Variants in LUC7L2 observed in about 807,000 individuals in gnomAD.
LUC7L2 encodes LUC7 like 2, pre-mRNA splicing factor.
LUC7L2 carries 25 observed loss-of-function variants against 52.8 expected under a neutral mutation model. The ratio of observed to expected loss-of-function variants is 0.47; its 90% CI spans 0.34 to 0.66. LUC7L2 has a LOEUF of 0.66. LUC7L2 is among the 30% of genes least tolerant of loss of function. The probability of loss-of-function intolerance (pLI) is 0.01; values close to 1 mark genes in which losing one functional copy is unlikely to be tolerated. For synonymous variants in LUC7L2, 144 were observed against 160.9 expected, an observed-to-expected ratio of 0.89 and a Z score of 0.80; for missense variants, 328 against 497.8, an observed-to-expected ratio of 0.66 and a Z score of 3.25.
At chr7:139,412,092 G>T (rs969459829) in intron 7 of LUC7L2, among the ~76,000 whole-genome samples, 2 of 151,794 alleles carry the variant, frequency 1.3e-5, no homozygotes, top group Non-Finnish European at 2.9e-5. Flanking sequence ...AAATTATAAT[G>T]CAGACACTTC....
At chr7:139,413,389 A>T (rs758407880) in intron 8 of LUC7L2, among the ~76,000 whole-genome samples, 40 of 152,214 alleles carry the variant, frequency 2.6e-4, no homozygotes, top group Middle Eastern at 6.8e-3. Flanking sequence ...TCTTGTTCAG[A>T]TCACATCTTC....
At chr7:139,368,241 C>T (rs1474953276) in intron 1 of LUC7L2, among the ~76,000 whole-genome samples, 2 of 152,042 alleles carry the variant, frequency 1.3e-5, no homozygotes, top group Non-Finnish European at 2.9e-5. Context: ...AGATTATAGA[C>T]ATAATTTGCT....
chr7:139,400,480 T>C (rs1191312710), intron 3 of LUC7L2, among the ~76,000 whole-genome samples: 1 of 152,164 alleles, frequency 6.6e-6, no homozygotes, highest in African/African-American at 2.4e-5. Context: ...GTGCTCCAGC[T>C]TGGGGGACAG....
intron 7 of LUC7L2, among the ~76,000 whole-genome samples, chr7:139,411,624 CA>C (rs950590998): frequency 3.1e-4 from 46 of 150,416 alleles, no homozygotes; most frequent in African/African-American, 1.1e-3. Context: ...ATATATCATC[CA>C]AAAAAAAATA....
rs184880604 is a variant in LUC7L2 at position 139,400,695 on chromosome 7, C to T, written c.256-1442C>T. ...CTGAGATATGGATCTAGTCTCCCCC[C>T]AACCCCACATAGCTACTTAGTCACC... On this transcript the variant is annotated intron_variant, in intron 3 of 9. Coordinates refer to ENST00000354926, the MANE Select transcript of LUC7L2 (RefSeq NM_016019.5). Among the ~76,000 whole-genome samples, 10 of 152,266 alleles carry T rather than the reference C, an allele frequency of 6.6e-5. No homozygotes were observed. The East Asian group carries it at 1.7e-3, about 26-fold the overall frequency.
chr7:139,389,311 C>G (rs1396632783), intron 2 of LUC7L2, among the ~76,000 whole-genome samples: 2 of 152,108 alleles, frequency 1.3e-5, no homozygotes, highest in African/African-American at 4.8e-5. Flanking sequence ...GACTCATTTT[C>G]AGACTCTTTC....
chr7:139,417,447 G>GA, intron 8 of LUC7L2, 91 bp from the exon 9 acceptor site: 2 of 1,500,484 alleles, frequency 1.3e-6, no homozygotes, highest in Non-Finnish European at 1.8e-6. Context: ...TAAGACTACT[G>GA]AAAAAAAGTT....
chr7:139,405,219 G>A (rs1795068029), intron 4 of LUC7L2, among the ~76,000 whole-genome samples: 2 of 152,302 alleles, frequency 1.3e-5, no homozygotes, highest in South Asian at 4.1e-4. Context: ...GTAGGCAGGC[G>A]AGAGGTAAGG....
At chr7:139,387,791 A>T (rs1230092668) in intron 2 of LUC7L2, among the ~76,000 whole-genome samples, 1 of 151,936 alleles carries the variant, frequency 6.6e-6, no homozygotes, top group Non-Finnish European at 1.5e-5. Context: ...TTGCTGTGTC[A>T]TGCAGGACTG....
chr7:139,374,679 A>C lies in LUC7L2; in HGVS notation c.62-1383A>C, dbSNP rs1800618133. On this transcript the variant is annotated intron_variant, in intron 1 of 9. Coordinates refer to ENST00000354926, the MANE Select transcript of LUC7L2 (RefSeq NM_016019.5). Reference sequence around the variant, plus strand: ...GAACTGCTCTGAAGCTATCATTTTAACTATAAATTACTGTTGTTAAAATTT... The same window carrying C: ...GAACTGCTCTGAAGCTATCATTTTACCTATAAATTACTGTTGTTAAAATTT... The C allele has an allele frequency of 2.3e-6, 3 of 1,304,148 alleles. No individual in the cohort carries two copies. The East Asian group carries it at 8.5e-5, about 37-fold the overall frequency. The allele number at this position is 1,304,148 out of a possible 1,614,324, so 80.8% of individuals were successfully genotyped here.
intron 2 of LUC7L2, among the ~76,000 whole-genome samples, chr7:139,378,316 GA>G (rs1800823507): frequency 6.6e-6 from 1 of 151,706 alleles, no homozygotes; most frequent in African/African-American, 2.4e-5. Flanking sequence ...ATTACTACTT[GA>G]GATAAATTTT....
At chr7:139,383,809 C>A (rs1248654348) in intron 2 of LUC7L2, among the ~76,000 whole-genome samples, 1 of 149,320 alleles carries the variant, frequency 6.7e-6, no homozygotes, top group African/African-American at 2.5e-5. Context: ...TCTCGGCTCA[C>A]TGCAACCTCC....
At chr7:139,397,977 A>AT (rs1794733129) in intron 2 of LUC7L2, among the ~76,000 whole-genome samples, 1 of 152,198 alleles carries the variant, frequency 6.6e-6, no homozygotes, top group Non-Finnish European at 1.5e-5. Context: ...AGACAAGACT[A>AT]TATCAAAGTC....
At chr7:139,340,705 A>C (rs1585051359) in intron 1 of LUC7L2, 1 of 391,080 alleles carries the variant, frequency 2.6e-6, no homozygotes, top group Non-Finnish European at 4.5e-6. Context: ...CAGAAGCCCC[A>C]GTGGCCTAAT....
chr7:139,375,465 G>T, intron 1 of LUC7L2: 1 of 985,310 alleles, frequency 1.0e-6, no homozygotes, highest in Non-Finnish European at 1.2e-6. Flanking sequence ...AGGTTTGTAC[G>T]CTCTTAAACG....
chr7:139,348,432 A>G (rs534746217), intron 1 of LUC7L2, among the ~76,000 whole-genome samples: 1 of 152,110 alleles, frequency 6.6e-6, no homozygotes, highest in East Asian at 1.9e-4. Flanking sequence ...TAAAAAATAA[A>G]TATTTAGGCC....
At chr7:139,369,128 T>C (rs1186847865) in intron 1 of LUC7L2, among the ~76,000 whole-genome samples, 1 of 152,254 alleles carries the variant, frequency 6.6e-6, no homozygotes, top group Non-Finnish European at 1.5e-5. Flanking sequence ...TATTTTCAGC[T>C]ATTGCTTGAT....
Position 139,375,039 on chromosome 7 carries a change from T to A in LUC7L2, c.62-1023T>A, listed in dbSNP as rs1051432377. 4 of 983,464 alleles carry A rather than the reference T, an allele frequency of 4.1e-6. No homozygotes were observed. The African/African-American group carries it at 7.0e-5, about 17-fold the overall frequency. The allele number at this position is 983,464 out of a possible 1,614,324, so 60.9% of individuals were successfully genotyped here. ...AGTAGGTTTTCATTCATCGATAATA[T>A]ATCAGTTTAAGGCTAAAATAAAACA... On this transcript the variant is annotated intron_variant, in intron 1 of 9. Transcript: ENST00000354926.
chr7:139,403,643 T>C (rs569120171), intron 4 of LUC7L2, among the ~76,000 whole-genome samples: 17 of 152,164 alleles, frequency 1.1e-4, no homozygotes, highest in Non-Finnish European at 2.4e-4. Context: ...GTTGTATTGG[T>C]TATCCATCAC....
Sources: allele counts gnomAD v4.1 joint callset (sites outside exome capture counted in the v4.1 genomes callset), GRCh38; gene constraint gnomAD v4.1.1; transcripts MANE v1.5; gene names NCBI Gene and HGNC (gene_info 2026-07-23, HGNC 2026-07-21).